Variants in CDC14A observed in about 807,000 individuals in gnomAD.
The protein encoded by CDC14A is cell division cycle 14A, also known as dual specificity protein phosphatase CDC14A.
In CDC14A, 53 loss-of-function variants were observed where a neutral mutation model predicts 74.4. The ratio of observed to expected loss-of-function variants is 0.71; its 90% CI spans 0.57 to 0.89. CDC14A has a LOEUF of 0.89. Among genes scored for constraint, CDC14A ranks in the 40% least tolerant of loss-of-function variants. CDC14A has a pLI of 0.00. For synonymous variants in CDC14A, 247 were observed against 258.4 expected, an observed-to-expected ratio of 0.96 and a Z score of 0.43; for missense variants, 646 against 713.7, an observed-to-expected ratio of 0.91 and a Z score of 1.08.
intron 2 of CDC14A, among the ~76,000 whole-genome samples, chr1:100,358,562 A>T (rs541864049): frequency 4.6e-5 from 7 of 152,188 alleles, no homozygotes; most frequent in African/African-American, 1.7e-4. Context: ...AACTCTAGGG[A>T]CTGAATTTTA....
chr1:100,426,465 T>C (rs1463443041), intron 5 of CDC14A, among the ~76,000 whole-genome samples: 1 of 152,196 alleles, frequency 6.6e-6, no homozygotes, highest in African/African-American at 2.4e-5. Context: ...GATAGTAAGA[T>C]AATTAATACT....
At chr1:100,378,884 T>G (rs1267382738) in intron 3 of CDC14A, among the ~76,000 whole-genome samples, 1 of 152,198 alleles carries the variant, frequency 6.6e-6, no homozygotes, top group African/African-American at 2.4e-5. Context: ...GCCAGTATTT[T>G]AGAAAGTAAA....
chr1:100,513,476 T>C (rs1369850327), intron 15 of CDC14A, among the ~76,000 whole-genome samples: 1 of 152,266 alleles, frequency 6.6e-6, no homozygotes, highest in Non-Finnish European at 1.5e-5. Flanking sequence ...CATGAACATT[T>C]TGAATCAGGA....
intron 5 of CDC14A, among the ~76,000 whole-genome samples, chr1:100,436,552 G>A (rs1490477315): frequency 6.6e-6 from 1 of 151,954 alleles, no homozygotes; most frequent in African/African-American, 2.4e-5. Flanking sequence ...AGCCTCCCGA[G>A]TAGCTGGGAT....
At chr1:100,428,594 G>A (rs371986470) in intron 5 of CDC14A, among the ~76,000 whole-genome samples, 7 of 152,126 alleles carry the variant, frequency 4.6e-5, no homozygotes, top group East Asian at 1.9e-4. Flanking sequence ...AAACAAAGTC[G>A]TATTAATCTC....
rs1365599914 is a variant in CDC14A, at chr1:100,480,419, C to T, written c.978-3873C>T. Among the ~76,000 whole-genome samples, 5 of 152,028 alleles carry T rather than the reference C, an allele frequency of 3.3e-5. No individual in the cohort carries two copies. In the East Asian group the frequency reaches 9.6e-4, roughly 29 times the overall value. On this transcript the variant is annotated intron_variant, in intron 10 of 15. Coordinates refer to ENST00000336454, the MANE Select transcript of CDC14A (RefSeq NM_003672.4). ...TGATGGACGTTTGAGTTATTTCTAC[C>T]TTTTGGTTATTGTGAATAATGCAAC...
intron 5 of CDC14A, among the ~76,000 whole-genome samples, chr1:100,436,376 C>T (rs1664341376): frequency 6.6e-6 from 1 of 152,058 alleles, no homozygotes; most frequent in Non-Finnish European, 1.5e-5. Flanking sequence ...GCTGCCAATT[C>T]CTAAGCCTTT....
At chr1:100,405,935 G>C (rs558317067) in intron 4 of CDC14A, among the ~76,000 whole-genome samples, 1 of 152,230 alleles carries the variant, frequency 6.6e-6, no homozygotes, top group South Asian at 2.1e-4. Context: ...CTGCCTCTAG[G>C]TCTTTGAGGA....
At chr1:100,441,731 C>T (rs1011512301) in intron 6 of CDC14A, among the ~76,000 whole-genome samples, 26 of 149,756 alleles carry the variant, frequency 1.7e-4, no homozygotes, top group African/African-American at 5.9e-4. Flanking sequence ...CCAGTGTTAT[C>T]AGAATTTTGC....
At chr1:100,380,695 A>C (rs1655984284) in intron 3 of CDC14A, among the ~76,000 whole-genome samples, 1 of 152,106 alleles carries the variant, frequency 6.6e-6, no homozygotes, top group Non-Finnish European at 1.5e-5. Flanking sequence ...GGTCTTGGGT[A>C]CTTTGCTTTC....
chr1:100,462,106 AAAT>A (rs1371239550), intron 8 of CDC14A, among the ~76,000 whole-genome samples: 2 of 152,344 alleles, frequency 1.3e-5, no homozygotes, highest in East Asian at 3.9e-4. Flanking sequence ...TTAATCTGTT[AAAT>A]GGAATTAGCC....
intron 4 of CDC14A, among the ~76,000 whole-genome samples, chr1:100,397,474 TATGAATTA>T (rs765358968): frequency 6.6e-6 from 1 of 152,146 alleles, no homozygotes; most frequent in Non-Finnish European, 1.5e-5. Context: ...AAATTATGAG[TATGAATTA>T]ATTAGGTTCT....
At position 100,356,941 on chromosome 1, in the gene CDC14A, G is replaced by A. The variant is rs535298140; in HGVS notation, c.140+3089G>A. Among the ~76,000 whole-genome samples, 3 of 151,566 alleles carry A rather than the reference G, an allele frequency of 2.0e-5. No individual in the cohort carries two copies. The East Asian group carries it at 5.8e-4, about 30-fold the overall frequency. On this transcript the variant is annotated intron_variant, in intron 2 of 15. Coordinates refer to ENST00000336454, the MANE Select transcript of CDC14A (RefSeq NM_003672.4). Reference sequence around the variant, plus strand: ...ATGGTGACAATGGTGATGGAAAGAAGCGATCTGAAGCCATGTGACCTGGCA... The same window carrying A: ...ATGGTGACAATGGTGATGGAAAGAAACGATCTGAAGCCATGTGACCTGGCA...
In CDC14A at chr1:100,490,610, C is replaced by T. The variant is rs375863458; in HGVS notation, c.1138-4208C>T. On this transcript the variant is annotated intron_variant, in intron 11 of 15. Transcript: ENST00000336454. Reference sequence around the variant, plus strand: ...ATCTCTCATCAGACCACTGTATAGCCGCTTAAATGTGTCCCTCCCCCGAGT... The same window carrying T: ...ATCTCTCATCAGACCACTGTATAGCTGCTTAAATGTGTCCCTCCCCCGAGT... Among the ~76,000 whole-genome samples, 75 of 152,220 alleles carry T rather than the reference C, an allele frequency of 4.9e-4. 2 individuals are homozygous for T. The highest frequency in any genetic ancestry group is 3.4e-3 in the Middle Eastern group (1 of 294).
chr1:100,393,684 G>A (rs559331847), intron 4 of CDC14A: 123 of 460,154 alleles, frequency 2.7e-4, no homozygotes, highest in African/African-American at 2.2e-3. Flanking sequence ...TCAATCAAGC[G>A]GTGGCACACG....
chr1:100,363,218 A>C (rs980033950), intron 2 of CDC14A: 1 of 152,250 alleles, frequency 6.6e-6, no homozygotes, highest in African/African-American at 2.4e-5. Context: ...GAACATGCCT[A>C]GTCCCAGGTA....
intron 4 of CDC14A, among the ~76,000 whole-genome samples, chr1:100,412,706 ATATAT>A (rs1257052684): frequency 2.6e-4 from 26 of 101,316 alleles, no homozygotes; most frequent in Non-Finnish European, 6.9e-5. Flanking sequence ...TTATATATAT[ATATAT>A]ATATATATAT....
intron 11 of CDC14A, chr1:100,484,741 T>C: frequency 1.6e-5 from 16 of 1,012,974 alleles, no homozygotes; most frequent in Non-Finnish European, 1.8e-5. Context: ...AAAATTAAAA[T>C]AAATATCAAG....
At chr1:100,483,954 G>A (rs1279096141) in intron 10 of CDC14A, among the ~76,000 whole-genome samples, 4 of 152,146 alleles carry the variant, frequency 2.6e-5, no homozygotes, top group Admixed American at 2.6e-4. Flanking sequence ...ATTGCTATTT[G>A]AGAAATTGAA....
Sources: allele counts gnomAD v4.1 joint callset (sites outside exome capture counted in the v4.1 genomes callset), GRCh38; gene constraint gnomAD v4.1.1; transcripts MANE v1.5; gene names NCBI Gene and HGNC (gene_info 2026-07-23, HGNC 2026-07-21).